Variants in ZNF750 observed in about 807,000 individuals in gnomAD.
ZNF750 encodes the protein zinc finger protein 750.
ZNF750 carries 10 observed loss-of-function variants against 31.6 expected under a neutral mutation model. The observed-to-expected ratio is 0.32, with a 90% CI of 0.19 to 0.54. The LOEUF is 0.54. Among genes scored for constraint, ZNF750 ranks in the 20% least tolerant of loss-of-function variants. The pLI, the probability that ZNF750 is intolerant of heterozygous loss-of-function variation, is 0.95. For synonymous variants in ZNF750, 400 were observed against 404.9 expected (o/e 0.99, Z 0.15); for missense variants, 914 against 934.9 (o/e 0.98, Z 0.29).
At position 82,832,131 on chromosome 17, in the gene ZNF750, C is replaced by A. The variant is rs752120838; in HGVS notation, c.324G>T (p.Arg108Ser). The A allele has an allele frequency of 1.2e-6, 2 of 1,614,200 alleles. No homozygotes were observed. Among genetic ancestry groups the A allele is most frequent in the African/African-American group, 2.7e-5 (2 of 75,050 alleles). The change falls in exon 2 of 3, where the codon AGG (arginine) becomes AGT (serine). Residue 108 changes from arginine to serine, a missense_variant. By Grantham distance (110) the Arg-to-Ser change is moderately radical (BLOSUM62 -1). Transcript: ENST00000269394. The surrounding 1 kb of genome is among the most constrained non-coding windows in gnomAD (Gnocchi z 4.9). ...FDSKLQHSSA[R>S]EDIKENLELQ... ...GCTCCAGGTTTTCCTTGATGTCTTC[C>A]CTGGCAGAGCTGTGCTGAAGCTTCG...
rs768723091 is a variant in ZNF750, at chr17:82,831,343, T to C, written c.1112A>G (p.Asn371Ser). ...ACTTTCGAACTCGACGTGTTTTCTG[T>C]TGGGGTCCGAAGGGTTTAACCTGGA... ...SPSRLNPSDPNRKHVEFESPI... is the reference protein window; with the variant it reads ...SPSRLNPSDPSRKHVEFESPI... Residue 371 changes from asparagine (N) to serine (S), a missense_variant, in exon 2 of 3, where the codon AAC becomes AGC. Asn to Ser is a conservative substitution (Grantham distance 46). This residue lies in a region of ZNF750 where 880 missense variants were observed against 868.9 expected (regional missense o/e 1.01). Coordinates refer to ENST00000269394, the MANE Select transcript of ZNF750 (RefSeq NM_024702.3). The surrounding 1 kb of genome is among the most constrained non-coding windows in gnomAD (Gnocchi z 4.6). 5.9e-5 allele frequency: 95 copies of C among 1,614,022 alleles called. No homozygotes were observed. Among genetic ancestry groups the C allele is most frequent in the Non-Finnish European group, 7.8e-5 (92 of 1,180,008 alleles).
Position 82,832,263 on chromosome 17 carries a change from C to T in ZNF750, c.192G>A (p.Lys64=). 6.2e-7 allele frequency: 1 copy of T among 1,614,226 alleles called. No homozygotes were observed. The highest frequency in any genetic ancestry group is 8.5e-7 in the Non-Finnish European group (1 of 1,180,046). The part of the protein sequence containing the change: ...TLVSEQDRVP[K]CPKSNSLDPK... ...GGTCTAGTGAGTTAGATTTAGGGCA[C>T]TTGGGAACTCGATCCTGCTCTGATA... Residue 64 remains lysine, a synonymous_variant, in exon 2 of 3, where the codon AAG becomes AAA. Coordinates refer to ENST00000269394, the MANE Select transcript of ZNF750 (RefSeq NM_024702.3). The surrounding 1 kb of genome is among the most constrained non-coding windows in gnomAD (Gnocchi z 4.9).
rs565738422 is a variant in ZNF750 at position 82,838,804 on chromosome 17, C to T, written c.-183+1123G>A. 6.3e-5 allele frequency: 62 copies of T among 985,406 alleles called. 1 individual carries two copies. In the East Asian group the frequency reaches 4.8e-3, roughly 76 times the overall value. 61.0% of individuals were successfully genotyped at this position (985,406 alleles called of 1,614,324 possible). ...AACCAGGGGCTCTTAACTCTAGTTT[C>T]GGCAGGAGATCCCGAGTTACAGACC... On this transcript the variant is annotated intron_variant, in intron 1 of 2. Coordinates refer to ENST00000269394, the MANE Select transcript of ZNF750 (RefSeq NM_024702.3).
chr17:82,830,118 G>A lies in ZNF750; in HGVS notation c.*24C>T. ...AAGGCGTGTGTGTGGCCGTAGCTCTGTGAACACACGTGTGAACCCGGCGTT... is the reference window on the plus strand; with the variant it reads ...AAGGCGTGTGTGTGGCCGTAGCTCTATGAACACACGTGTGAACCCGGCGTT... On this transcript the variant is annotated 3_prime_UTR_variant, in exon 3 of 3. Coordinates refer to ENST00000269394, the MANE Select transcript of ZNF750 (RefSeq NM_024702.3). 10 of 1,612,826 alleles carry A rather than the reference G, an allele frequency of 6.2e-6. No homozygotes were observed. The highest frequency in any genetic ancestry group is 8.5e-6 in the Non-Finnish European group (10 of 1,179,942).
Position 82,832,030 on chromosome 17 carries a change from G to A in ZNF750, c.425C>T (p.Ala142Val). The A allele has an allele frequency of 6.2e-7, 1 of 1,612,844 alleles. No individual in the cohort carries two copies. ...LHRASPCKSPAPEAALGAQPA... is the reference protein window; with the variant it reads ...LHRASPCKSPVPEAALGAQPA... ...CTGGGCACCGAGGGCGGCTTCCGGAGCTGGGCTCTTGCAGGGTGATGCCCT... is the reference window on the plus strand; with the variant it reads ...CTGGGCACCGAGGGCGGCTTCCGGAACTGGGCTCTTGCAGGGTGATGCCCT... The change falls in exon 2 of 3, where the codon GCT becomes GTT. Residue 142 changes from alanine to valine, a missense_variant. Coordinates refer to ENST00000269394, the MANE Select transcript of ZNF750 (RefSeq NM_024702.3). The surrounding 1 kb of genome is among the most constrained non-coding windows in gnomAD (Gnocchi z 4.9).
At position 82,829,489 on chromosome 17, in the gene ZNF750, A is replaced by G. The variant is rs1048679095; in HGVS notation, c.*653T>C. On this transcript the variant is annotated 3_prime_UTR_variant, in exon 3 of 3. Coordinates refer to ENST00000269394, the MANE Select transcript of ZNF750 (RefSeq NM_024702.3). ...CATTTTATGTTTCCTTATGGTTCAT[A>G]TGAGTTTATTGGAAAATTAGCAACA... 1.3e-5 allele frequency: 2 copies of G among 153,228 alleles called. No homozygotes were observed. Among genetic ancestry groups the G allele is most frequent in the African/African-American group, 4.8e-5 (2 of 41,476 alleles). The allele number at this position is 153,228 out of a possible 1,614,324, so 9.5% of individuals were successfully genotyped here.
Position 82,830,274 on chromosome 17 carries a change from A to G in ZNF750, c.2040T>C (p.Cys680=). The G allele has an allele frequency of 6.2e-7, 1 of 1,614,202 alleles. No homozygotes were observed. The highest frequency in any genetic ancestry group is 8.5e-7 in the Non-Finnish European group (1 of 1,180,038). ...LSSMESQEAQ[C]DLRPKGQKRT... ...TCTTTTGTCCTTTGGGTCTGAGGTC[A>G]CACTGGGCCTCTTGGCTCTCCATGG... The change falls in exon 3 of 3, where the codon TGT becomes TGC. Residue 680 remains cysteine, a synonymous_variant. Coordinates refer to ENST00000269394, the MANE Select transcript of ZNF750 (RefSeq NM_024702.3).
chr17:82,829,710 C>T lies in ZNF750; in HGVS notation c.*432G>A, dbSNP rs2053302464. 3 of 176,362 alleles carry T rather than the reference C, an allele frequency of 1.7e-5. No homozygotes were observed. Among genetic ancestry groups the T allele is most frequent in the Admixed American group, 5.4e-5 (1 of 18,412 alleles). 10.9% of individuals were successfully genotyped at this position (176,362 alleles called of 1,614,324 possible). On this transcript the variant is annotated 3_prime_UTR_variant, in exon 3 of 3. Coordinates refer to ENST00000269394, the MANE Select transcript of ZNF750 (RefSeq NM_024702.3). ...ATACAAATCACATTTTTCTTTTTTA[C>T]ATATGGCACTTTAATGTTAGTACTG... is the stretch of plus-strand genomic sequence containing the variant.
At position 82,833,351 on chromosome 17, in the gene ZNF750, C is replaced by G. The variant is rs775228466; in HGVS notation, c.-182-715G>C. Among the ~76,000 whole-genome samples the G allele has an allele frequency of 3.9e-5, 6 of 152,144 alleles. No homozygotes were observed. The highest frequency in any genetic ancestry group is 8.8e-5 in the Non-Finnish European group (6 of 68,014). Reference sequence around the variant, plus strand: ...CCCTAAGCACTCGTGGCAGTTTCTGCCCACTTTAGCCACGTCGTTGGTGTA... The same window carrying G: ...CCCTAAGCACTCGTGGCAGTTTCTGGCCACTTTAGCCACGTCGTTGGTGTA... On this transcript the variant is annotated intron_variant, in intron 1 of 2. Coordinates refer to ENST00000269394, the MANE Select transcript of ZNF750 (RefSeq NM_024702.3). The surrounding 1 kb of genome is among the most constrained non-coding windows in gnomAD (Gnocchi z 4.7).
intron 1 of ZNF750, among the ~76,000 whole-genome samples, chr17:82,837,447 G>T (rs1344671722): frequency 6.6e-6 from 1 of 152,210 alleles, no homozygotes; most frequent in Non-Finnish European, 1.5e-5. Context: ...ATTTAGAGGT[G>T]CAGTTTTTCT....
rs1006972146 is a variant in ZNF750, at chr17:82,835,947, G to A, written c.-182-3311C>T. 2.0e-5 allele frequency among the ~76,000 whole-genome samples: 3 copies of A among 152,224 alleles called. No homozygotes were observed. Among genetic ancestry groups the A allele is most frequent in the Admixed American group, 2.0e-4 (3 of 15,288 alleles). On this transcript the variant is annotated intron_variant, in intron 1 of 2. Transcript: ENST00000269394. The surrounding 1 kb of genome is among the most constrained non-coding windows in gnomAD (Gnocchi z 4.5). ...ATGTTTGTTACCCTACAACCAGGGA[G>A]GGTGTCGGGTGACACCCTGGGCTCA...
chr17:82,831,845 C>A lies in ZNF750; in HGVS notation c.610G>T (p.Gly204Cys). 1 of 1,614,052 alleles carries A rather than the reference C, an allele frequency of 6.2e-7. No individual in the cohort carries two copies. Residue 204 changes from glycine (G) to cysteine (C), a missense_variant, in exon 2 of 3, where the codon GGC becomes TGC. Gly to Cys is a radical substitution (Grantham distance 159). This residue lies in a region of ZNF750 where 880 missense variants were observed against 868.9 expected (regional missense o/e 1.01). Coordinates refer to ENST00000269394, the MANE Select transcript of ZNF750 (RefSeq NM_024702.3). This position sits in a 1 kb window ranked among gnomAD's most constrained non-coding sequence, Gnocchi z 4.6. ...GGTGAGCCGGCTTTCCAGGGGTAGC[C>A]AGGAGTGTGGAAGGCCGACTTGGTG... ...FHTKSAFHTP[G>C]YPWKAGSPFL...
At chr17:82,834,960 G>T (rs2053843778) in intron 1 of ZNF750, among the ~76,000 whole-genome samples, 1 of 152,130 alleles carries the variant, frequency 6.6e-6, no homozygotes, top group Non-Finnish European at 1.5e-5. Flanking sequence ...CACTTTGGGA[G>T]GCCGAGGTGG....
At chr17:82,838,712 G>A (rs1201198096) in intron 1 of ZNF750, 2 of 985,374 alleles carry the variant, frequency 2.0e-6, no homozygotes. Flanking sequence ...TAAACCTCAG[G>A]ACAACCAAGA....
At chr17:82,838,335 T>A (rs1464424406) in intron 1 of ZNF750, among the ~76,000 whole-genome samples, 1 of 149,960 alleles carries the variant, frequency 6.7e-6, no homozygotes, top group African/African-American at 2.5e-5. Flanking sequence ...AAAGAGTTCT[T>A]AAAAAAAAAA....
Position 82,830,137 on chromosome 17 carries a change from C to A in ZNF750, c.*5G>T. The A allele has an allele frequency of 6.2e-7, 1 of 1,613,382 alleles. No homozygotes were observed. ...AGCTCTGTGAACACACGTGTGAACCCGGCGTTAGGACACCCGGGCCCTCCT... is the reference window on the plus strand; with the variant it reads ...AGCTCTGTGAACACACGTGTGAACCAGGCGTTAGGACACCCGGGCCCTCCT... On this transcript the variant is annotated 3_prime_UTR_variant, in exon 3 of 3. Coordinates refer to ENST00000269394, the MANE Select transcript of ZNF750 (RefSeq NM_024702.3).
At chr17:82,834,586 G>A (rs1682262494) in intron 1 of ZNF750, among the ~76,000 whole-genome samples, 1 of 152,156 alleles carries the variant, frequency 6.6e-6, no homozygotes, top group African/African-American at 2.4e-5. Context: ...GATGGAGCTG[G>A]AAGCCAGCAT....
rs898133281 is a variant in ZNF750 at position 82,835,900 on chromosome 17, G to A, written c.-182-3264C>T. Among the ~76,000 whole-genome samples, 1 of 152,198 alleles carries A rather than the reference G, an allele frequency of 6.6e-6. No individual in the cohort carries two copies. Among genetic ancestry groups the A allele is most frequent in the African/African-American group, 2.4e-5 (1 of 41,450 alleles). ...GTTTCTGTGTAGCAGGGACAGCGAGGCACGGTTTGGATGAGGACAAGATGT... is the reference window on the plus strand; with the variant it reads ...GTTTCTGTGTAGCAGGGACAGCGAGACACGGTTTGGATGAGGACAAGATGT... On this transcript the variant is annotated intron_variant, in intron 1 of 2. Coordinates refer to ENST00000269394, the MANE Select transcript of ZNF750 (RefSeq NM_024702.3). This position sits in a 1 kb window ranked among gnomAD's most constrained non-coding sequence, Gnocchi z 4.5.
Position 82,835,375 on chromosome 17 carries a change from ATT to A in ZNF750, c.-182-2741_-182-2740del, listed in dbSNP as rs2053878541. Among the ~76,000 whole-genome samples the A allele has an allele frequency of 1.3e-5, 2 of 152,044 alleles. No individual in the cohort carries two copies. Among genetic ancestry groups the A allele is most frequent in the South Asian group, 4.2e-4 (2 of 4,814 alleles). ...CCCCGAACTCTGGGGAAGTGCTCTG[ATT>A]TTGTTCTCAGCAAACTGGTTTCTCT... On this transcript the variant is annotated intron_variant, in intron 1 of 2. Coordinates refer to ENST00000269394, the MANE Select transcript of ZNF750 (RefSeq NM_024702.3). This position sits in a 1 kb window ranked among gnomAD's most constrained non-coding sequence, Gnocchi z 4.5.
Sources: gnomAD v4.1 joint callset for allele counts (sites outside exome capture counted in the v4.1 genomes callset) on GRCh38, gnomAD v4.1.1 for gene constraint, gnomAD v4.1.1 regional missense constraint, Gnocchi (gnomAD v3.1) non-coding constraint, MANE v1.5 for transcripts, NCBI Gene and HGNC (gene_info 2026-07-23, HGNC 2026-07-21) for gene names.